The following CBR3 variants were observed in gnomAD, a reference collection of about 807,000 sequenced individuals.
CBR3 encodes carbonyl reductase 3, also known as carbonyl reductase [NADPH] 3.
Under a neutral mutation model 11.6 loss-of-function variants are expected in CBR3, and 14 were observed. That is an observed-to-expected ratio of 1.20 (90% CI 0.79 to 1.88). The LOEUF (loss-of-function observed/expected upper bound fraction) is 1.88, where lower values mean the gene tolerates loss of function less well. Ranked by LOEUF, CBR3 falls within the 40% of genes most tolerant of loss-of-function variation. The pLI is 0.00. For synonymous variants in CBR3, 125 were observed against 145.6 expected (o/e 0.86, Z 1.02); for missense variants, 308 against 357.3 (o/e 0.86, Z 1.11).
chr21:36,135,315 G>A lies in CBR3; in HGVS notation c.123G>A (p.Ala41=), dbSNP rs1215774974. The A allele has an allele frequency of 1.9e-6, 3 of 1,610,378 alleles. No individual in the cohort carries two copies. The highest frequency in any genetic ancestry group is 2.5e-6 in the Non-Finnish European group (3 of 1,178,794). Residue 41 remains alanine (A), a synonymous_variant, in exon 1 of 3, where the codon GCG becomes GCA. Transcript: ENST00000290354. The part of the protein sequence containing the change: ...GDVVLTARDV[A]RGQAAVQQLQ... ...TGGTGCTCACCGCGCGGGACGTGGCGCGGGGCCAGGCGGCCGTGCAGCAGC... is the reference window on the plus strand; with the variant it reads ...TGGTGCTCACCGCGCGGGACGTGGCACGGGGCCAGGCGGCCGTGCAGCAGC...
At position 36,146,064 on chromosome 21, in the gene CBR3, A is replaced by G. The variant is rs2835286; in HGVS notation, c.398-12A>G. ...TGTGATATGCTTTCATATATTTATC[A>G]TTCTGTTTCAGGGAGAGTGGTGAAT... On this transcript the variant is annotated splice_polypyrimidine_tract_variant and intron_variant, in intron 2 of 2. Coordinates refer to ENST00000290354, the MANE Select transcript of CBR3 (RefSeq NM_001236.4). 1,274,675 of 1,578,060 alleles carry G rather than the reference A, an allele frequency of 0.81. 515,825 individuals carry two copies. The highest frequency in any genetic ancestry group is 0.84 in the East Asian group (37,555 of 44,488).
chr21:36,144,219 G>A (rs1185656282), intron 2 of CBR3, among the ~76,000 whole-genome samples: 3 of 152,168 alleles, frequency 2.0e-5, no homozygotes, highest in African/African-American at 7.2e-5. Context: ...CACTTTGGGA[G>A]GCCAAAGCGG....
chr21:36,137,638 G>A (rs1174594996), intron 1 of CBR3, among the ~76,000 whole-genome samples, 187 bp from the exon 2 acceptor site: 1 of 152,174 alleles, frequency 6.6e-6, no homozygotes, highest in African/African-American at 2.4e-5. Flanking sequence ...AGGAAGCTGT[G>A]TTTTAACAGG....
At chr21:36,138,027 G>C in intron 2 of CBR3, 95 bp downstream of exon 2, 1 of 699,346 alleles carries the variant, frequency 1.4e-6, no homozygotes, top group Non-Finnish European at 2.6e-6. Flanking sequence ...AATCACTCAG[G>C]GGTGCTATTT....
intron 1 of CBR3, 177 bp downstream of exon 1, chr21:36,135,658 C>A: frequency 3.3e-6 from 2 of 609,898 alleles, no homozygotes; most frequent in Non-Finnish European, 5.3e-6. Context: ...TTCGCTGAGC[C>A]CCAGGCGGGC....
intron 2 of CBR3, chr21:36,141,782 C>A: frequency 3.9e-6 from 1 of 253,642 alleles, no homozygotes; most frequent in Non-Finnish European, 6.2e-6. Context: ...GACTGTCAGC[C>A]TCTGGCCTCT....
intron 2 of CBR3, among the ~76,000 whole-genome samples, chr21:36,145,253 T>C (rs2065744941): frequency 6.6e-6 from 1 of 152,134 alleles, no homozygotes; most frequent in Non-Finnish European, 1.5e-5. Context: ...CTTGGGAGAA[T>C]AGGGCCAAAA....
At position 36,137,620 on chromosome 21, in the gene CBR3, T is replaced by G. The variant is rs148058674; in HGVS notation, c.290-205T>G. Among the ~76,000 whole-genome samples the G allele has an allele frequency of 7.9e-4, 120 of 152,174 alleles. 1 individual carries two copies. The highest frequency in any genetic ancestry group is 2.8e-3 in the African/African-American group (115 of 41,514). ...CCTTTGCAATCAGAAACTCCAATGG[T>G]GAGGCCCAGGAAGCTGTGTTTTAAC... On this transcript the variant is annotated intron_variant, in intron 1 of 2. Coordinates refer to ENST00000290354, the MANE Select transcript of CBR3 (RefSeq NM_001236.4).
intron 2 of CBR3, among the ~76,000 whole-genome samples, chr21:36,140,201 T>C (rs1284818439): frequency 6.6e-6 from 1 of 152,068 alleles, no homozygotes; most frequent in East Asian, 1.9e-4. Flanking sequence ...AAAAAGTTCT[T>C]AACCTAAGAA....
At chr21:36,137,508 AAGGAAGGAAGGAAGGAAGGAAGG>A (rs1568978595) in intron 1 of CBR3, 63 of 16,234 alleles carry the variant, frequency 3.9e-3, no homozygotes, top group East Asian at 0.026. Flanking sequence ...GAAAGAAAGG[AAGGAAGGAAGGAAGGAAGGAAGG>A]AAGGAAGGAA....
chr21:36,135,536 G>T, intron 1 of CBR3, 55 bp downstream of exon 1: 1 of 1,492,530 alleles, frequency 6.7e-7, no homozygotes, highest in South Asian at 1.3e-5. Context: ...GTGCGGAGGT[G>T]GCCAGCCGCA....
intron 1 of CBR3, among the ~76,000 whole-genome samples, chr21:36,136,389 G>C (rs2065660300): frequency 6.6e-6 from 1 of 152,072 alleles, no homozygotes; most frequent in Non-Finnish European, 1.5e-5. Context: ...GCCTAAGAGG[G>C]AGTGAAATGA....
At chr21:36,136,750 G>A (rs1431043005) in intron 1 of CBR3, among the ~76,000 whole-genome samples, 1 of 152,130 alleles carries the variant, frequency 6.6e-6, no homozygotes, top group East Asian at 1.9e-4. Context: ...CGTTTCCGCT[G>A]GGCGCGGTGG....
intron 2 of CBR3, among the ~76,000 whole-genome samples, chr21:36,143,335 G>T (rs2065728628): frequency 6.6e-6 from 1 of 151,606 alleles, no homozygotes; most frequent in African/African-American, 2.4e-5. Context: ...TGGACACAGA[G>T]AATATGCATT....
intron 1 of CBR3, among the ~76,000 whole-genome samples, chr21:36,136,371 G>T (rs2065660153): frequency 6.6e-6 from 1 of 151,972 alleles, no homozygotes; most frequent in African/African-American, 2.4e-5. Context: ...ACCTAGTGGG[G>T]AAAAAAAGCC....
At chr21:36,138,808 C>T (rs1433432245) in intron 2 of CBR3, 1 of 141,362 alleles carries the variant, frequency 7.1e-6, no homozygotes, top group African/African-American at 2.7e-5. Flanking sequence ...TACAGTGGCA[C>T]AATTTCGGCT....
intron 2 of CBR3, among the ~76,000 whole-genome samples, chr21:36,139,531 G>A (rs45496500): frequency 0.39 from 58,658 of 151,590 alleles, 11,667 homozygotes; most frequent in South Asian, 0.5. Context: ...ACAGGCGTGT[G>A]CCGCTACGCC....
Position 36,142,444 on chromosome 21 carries a change from A to AAC in CBR3, c.398-3631_398-3630insCA, listed in dbSNP as rs1367474295. On this transcript the variant is annotated intron_variant, in intron 2 of 2. Coordinates refer to ENST00000290354, the MANE Select transcript of CBR3 (RefSeq NM_001236.4). ...GAGACTCCATCTCAAAAAAAAAAAAAAAAACGCAATCCATGATCCTACTTT... is the reference window on the plus strand; with the variant it reads ...GAGACTCCATCTCAAAAAAAAAAAAAACAAAACGCAATCCATGATCCTACTTT... Among the ~76,000 whole-genome samples the AAC allele has an allele frequency of 1.3e-5, 2 of 150,288 alleles. 1 individual carries two copies. The highest frequency in any genetic ancestry group is 3.9e-4 in the East Asian group (2 of 5,170).
rs1482742669 is a variant in CBR3, at chr21:36,135,257, C to A, written c.65C>A (p.Ala22Glu). The A allele has an allele frequency of 1.3e-6, 2 of 1,587,066 alleles. No individual in the cohort carries two copies. The highest frequency in any genetic ancestry group is 1.7e-4 in the Middle Eastern group (1 of 5,982). ...AACAGGGGCATCGGCTTGGCCATCG[C>A]GCGCGAACTGTGCCGACAGTTCTCT... Reference protein sequence around the residue: ...GANRGIGLAIARELCRQFSGD... With the variant: ...GANRGIGLAIERELCRQFSGD... Residue 22 changes from alanine to glutamate, a missense_variant, in exon 1 of 3, where the codon GCG becomes GAG. Ala to Glu is a moderately radical substitution (Grantham distance 107). Coordinates refer to ENST00000290354, the MANE Select transcript of CBR3 (RefSeq NM_001236.4).
Sources: gnomAD v4.1 joint callset for allele counts (sites outside exome capture counted in the v4.1 genomes callset) on GRCh38, gnomAD v4.1.1 for gene constraint, MANE v1.5 for transcripts, NCBI Gene and HGNC (gene_info 2026-07-23, HGNC 2026-07-21) for gene names.